TMEM196: variants seen among roughly 807,000 people sequenced by gnomAD.
The protein encoded by TMEM196 is transmembrane protein 196.
TMEM196 carries 17 observed loss-of-function variants against 20.0 expected under a neutral mutation model. The observed-to-expected ratio is 0.85, with a 90% CI of 0.58 to 1.27. TMEM196 has a LOEUF of 1.27. Among genes scored for constraint, TMEM196 ranks in the 50% most tolerant of loss-of-function variants. TMEM196 has a pLI of 0.00. For synonymous variants in TMEM196, 113 were observed against 88.9 expected, an observed-to-expected ratio of 1.27 and a Z score of -1.52; for missense variants, 267 against 223.0, an observed-to-expected ratio of 1.20 and a Z score of -1.26.
At chr7:19,725,061 C>T (rs1303606862) in intron 3 of TMEM196, among the ~76,000 whole-genome samples, 3 of 152,146 alleles carry the variant, frequency 2.0e-5, no homozygotes, top group African/African-American at 7.2e-5. Flanking sequence ...ATAGACAAGG[C>T]TTTTTGTCAC....
intron 1 of TMEM196, among the ~76,000 whole-genome samples, 163 bp from the exon 2 acceptor site, chr7:19,729,601 AT>A (rs1460136807): frequency 6.6e-6 from 1 of 152,218 alleles, no homozygotes; most frequent in African/African-American, 2.4e-5. Context: ...ATAGTAAAGG[AT>A]AAAAGTATAA....
intron 1 of TMEM196, among the ~76,000 whole-genome samples, chr7:19,739,401 C>T (rs1583431524): frequency 6.6e-6 from 1 of 152,040 alleles, no homozygotes; most frequent in South Asian, 2.1e-4. Context: ...TAGATTTGTA[C>T]AAATGAAAAT....
intron 1 of TMEM196, among the ~76,000 whole-genome samples, chr7:19,761,155 G>C (rs1017629673): frequency 6.6e-6 from 1 of 152,114 alleles, no homozygotes; most frequent in South Asian, 2.1e-4. Context: ...CAGTGGTCTT[G>C]GCTTTCAGCT....
intron 2 of TMEM196, among the ~76,000 whole-genome samples, chr7:19,727,582 A>G (rs188719392): frequency 1.1e-3 from 168 of 152,286 alleles, no homozygotes; most frequent in African/African-American, 3.9e-3. Context: ...AACCAATTAT[A>G]TTTTATTTTA....
chr7:19,754,267 G>A (rs561517094), intron 1 of TMEM196, among the ~76,000 whole-genome samples: 3 of 152,200 alleles, frequency 2.0e-5, no homozygotes, highest in African/African-American at 7.2e-5. Context: ...TCAAGTGCTC[G>A]CTATCTATTA....
chr7:19,725,463 C>A, intron 3 of TMEM196, 51 bp downstream of exon 3: 1 of 1,537,124 alleles, frequency 6.5e-7, no homozygotes, highest in Non-Finnish European at 8.8e-7. Context: ...CCAGAGTGGA[C>A]TTCAGTCTTC....
intron 1 of TMEM196, among the ~76,000 whole-genome samples, chr7:19,764,267 C>T (rs1785539606): frequency 6.6e-6 from 1 of 152,242 alleles, no homozygotes; most frequent in Non-Finnish European, 1.5e-5. Flanking sequence ...CTGGGCTTAA[C>T]TGTCTTGAAC....
At chr7:19,758,892 T>C (rs527713974) in intron 1 of TMEM196, among the ~76,000 whole-genome samples, 2 of 152,294 alleles carry the variant, frequency 1.3e-5, no homozygotes, top group South Asian at 4.1e-4. Context: ...CTTGACTTGC[T>C]CTCTCTTTTT....
Position 19,722,023 on chromosome 7 carries a change from T to A in TMEM196, c.*105A>T. On this transcript the variant is annotated 3_prime_UTR_variant, in exon 5 of 5. Transcript: ENST00000405844. ...TGTTTTATTTTCTAGTCCTTTGGTG[T>A]CTCATTGCCTCATGAAAATCCTAAA... 1 of 1,441,940 alleles carries A rather than the reference T, an allele frequency of 6.9e-7. No homozygotes were observed. The highest frequency in any genetic ancestry group is 1.2e-5 in the South Asian group (1 of 83,970). The allele number at this position is 1,441,940 out of a possible 1,614,324, so 89.3% of individuals were successfully genotyped here.
chr7:19,737,408 T>C (rs574646846), intron 1 of TMEM196, among the ~76,000 whole-genome samples: 26 of 152,114 alleles, frequency 1.7e-4, no homozygotes, highest in African/African-American at 5.8e-4. Flanking sequence ...AAGATGGCAG[T>C]TTCTTACAAA....
intron 1 of TMEM196, among the ~76,000 whole-genome samples, chr7:19,742,060 T>C (rs1239286435): frequency 6.6e-6 from 1 of 152,134 alleles, no homozygotes; most frequent in Non-Finnish European, 1.5e-5. Flanking sequence ...CCTAATATCA[T>C]CTAGAATCTT....
intron 2 of TMEM196, among the ~76,000 whole-genome samples, chr7:19,728,620 C>A (rs1311035924): frequency 6.6e-6 from 1 of 152,128 alleles, no homozygotes; most frequent in African/African-American, 2.4e-5. Flanking sequence ...TCAAAGGGTA[C>A]TTCCTAGGGT....
intron 1 of TMEM196, among the ~76,000 whole-genome samples, chr7:19,760,499 T>A (rs1562627178): frequency 6.6e-6 from 1 of 151,688 alleles, no homozygotes; most frequent in East Asian, 1.9e-4. Flanking sequence ...TAGCCGGGAT[T>A]ACAGACATAT....
chr7:19,730,221 A>G (rs981725944), intron 1 of TMEM196, among the ~76,000 whole-genome samples: 2 of 151,414 alleles, frequency 1.3e-5, no homozygotes, highest in Admixed American at 6.6e-5. Context: ...GCGCCACTGC[A>G]TTCCAGCCTG....
chr7:19,759,361 C>G (rs1444693784), intron 1 of TMEM196, among the ~76,000 whole-genome samples: 1 of 152,142 alleles, frequency 6.6e-6, no homozygotes, highest in Non-Finnish European at 1.5e-5. Flanking sequence ...TTCTCAGTAC[C>G]TTTTTTCTGG....
chr7:19,719,388 T>C lies in TMEM196; in HGVS notation c.*2740A>G, dbSNP rs1783742856. On this transcript the variant is annotated 3_prime_UTR_variant, in exon 5 of 5. Coordinates refer to ENST00000405844, the MANE Select transcript of TMEM196 (RefSeq NM_001363562.2). ...ATTTCCTGTTCCACTTCCAAACCAT[T>C]GTGTGTGTGTATATACACATATGTG... 6.6e-6 allele frequency: 1 copy of C among 152,018 alleles called. No individual in the cohort carries two copies. The highest frequency in any genetic ancestry group is 2.1e-4 in the South Asian group (1 of 4,824). The allele number at this position is 152,018 out of a possible 1,614,324, so 9.4% of individuals were successfully genotyped here. A position where few individuals can be genotyped will look rare whatever the true frequency, so the allele number is the denominator to read the frequency against.
At chr7:19,725,474 A>C in intron 3 of TMEM196, 40 bp downstream of exon 3, 1 of 1,568,562 alleles carries the variant, frequency 6.4e-7, no homozygotes. Flanking sequence ...TTCAGTCTTC[A>C]TCATGTGCTA....
intron 1 of TMEM196, among the ~76,000 whole-genome samples, chr7:19,738,911 A>G (rs1327031863): frequency 1.3e-5 from 2 of 152,100 alleles, no homozygotes; most frequent in Admixed American, 6.6e-5. Context: ...ACACGTAATG[A>G]TTTTCTTCGA....
At chr7:19,735,020 G>A (rs930394392) in intron 1 of TMEM196, among the ~76,000 whole-genome samples, 9 of 152,108 alleles carry the variant, frequency 5.9e-5, no homozygotes, top group African/African-American at 9.7e-5. Context: ...TACCCCAGGC[G>A]GTTTTGGCAT....
Sources: gnomAD v4.1 joint callset for allele counts (sites outside exome capture counted in the v4.1 genomes callset) on GRCh38, gnomAD v4.1.1 for gene constraint, MANE v1.5 for transcripts, NCBI Gene and HGNC (gene_info 2026-07-23, HGNC 2026-07-21) for gene names.